The following FAM161B variants were observed in gnomAD, a reference collection of about 807,000 sequenced individuals.
FAM161B encodes FAM161 centrosomal protein B.
In FAM161B, 46 loss-of-function variants were observed where a neutral mutation model predicts 61.5. The ratio of observed to expected loss-of-function variants is 0.75; its 90% CI spans 0.59 to 0.96. FAM161B has a LOEUF of 0.96. Ranked by LOEUF, FAM161B falls within the 40% of genes least tolerant of loss-of-function variation. FAM161B has a pLI of 0.00. For synonymous variants in FAM161B, 284 were observed against 302.7 expected (o/e 0.94, Z 0.64); for missense variants, 774 against 800.7 (o/e 0.97, Z 0.40).
chr14:73,949,950 G>C (rs751881918), intron 1 of FAM161B, 23 bp downstream of exon 1: 3 of 1,612,740 alleles, frequency 1.9e-6, no homozygotes, highest in Non-Finnish European at 2.5e-6. Flanking sequence ...CTTTCCCGGG[G>C]GCAGTCTCTT....
intron 3 of FAM161B, 108 bp from the exon 4 acceptor site, chr14:73,942,823 G>A (rs2056031619): frequency 3.0e-6 from 3 of 1,003,812 alleles, no homozygotes; most frequent in Non-Finnish European, 4.3e-6. Context: ...CTGGAGGCAA[G>A]TAGGAACTTT....
chr14:73,940,901 G>A (rs79402303), intron 5 of FAM161B, 25 bp downstream of exon 5: 33,925 of 1,591,140 alleles, frequency 0.021, 417 homozygotes, highest in African/African-American at 0.029. Flanking sequence ...TCAGAGCATG[G>A]GTCTCGTGCA....
At chr14:73,931,888 T>G, downstream of FAM161B, 1 of 451,292 alleles carries the variant, frequency 2.2e-6, no homozygotes, top group Non-Finnish European at 4.5e-6. Context: ...TTGAAGAGTT[T>G]TCATCCCAGA....
Position 73,944,639 on chromosome 14 carries a change from C to T in FAM161B, c.621G>A (p.Glu207=). The change falls in exon 3 of 9, where the codon GAG becomes GAA. Residue 207 remains glutamate (E), a synonymous_variant. Coordinates refer to ENST00000286544, the MANE Select transcript of FAM161B (RefSeq NM_152445.3). ...ACTGCCTGTGGCACTCGGCCTCTTC[C>T]TCACCCTGCCTCTGGGCCCGCTGCC... ...QERQRAQRQG[E]EEAECHRQFR... 6.2e-7 allele frequency: 1 copy of T among 1,613,916 alleles called. No individual in the cohort carries two copies. Among genetic ancestry groups the T allele is most frequent in the Non-Finnish European group, 8.5e-7 (1 of 1,179,960 alleles).
At chr14:73,940,529 A>T (rs2056008582) in intron 5 of FAM161B, among the ~76,000 whole-genome samples, 1 of 152,050 alleles carries the variant, frequency 6.6e-6, no homozygotes. Flanking sequence ...CACTTTAGAC[A>T]TCTATTCCAC....
intron 7 of FAM161B, among the ~76,000 whole-genome samples, chr14:73,937,132 T>TAAG (rs1024351309): frequency 6.6e-6 from 1 of 152,198 alleles, no homozygotes; most frequent in African/African-American, 2.4e-5. Context: ...GAAAGCCACT[T>TAAG]AGTCTAGAGA....
Position 73,937,935 on chromosome 14 carries a change from A to G in FAM161B, c.1565+13T>C, listed in dbSNP as rs1449729879. On this transcript the variant is annotated intron_variant, in intron 6 of 8. Transcript: ENST00000286544. The stretch of plus-strand genomic sequence containing the variant: ...AAGGCAAGCACCCCTTTTGACACAT[A>G]GAGGACACTGACCGGTTCTCTTTCA... 1.9e-6 allele frequency: 3 copies of G among 1,614,100 alleles called. No homozygotes were observed. The highest frequency in any genetic ancestry group is 1.3e-5 in the African/African-American group (1 of 75,042).
chr14:73,923,270 AGAAATAGAGGAATGTGG>A, the FAM161B span: 7 of 1,121,084 alleles, frequency 6.2e-6, no homozygotes, highest in South Asian at 1.0e-4. Context: ...TTAACTTGGA[AGAAATAGAGGAATGTGG>A]GAAATAGAGG....
At chr14:73,946,846 G>C (rs567709341) in intron 1 of FAM161B, among the ~76,000 whole-genome samples, 1 of 152,222 alleles carries the variant, frequency 6.6e-6, no homozygotes, top group East Asian at 1.9e-4. Context: ...CTTGGTTGAA[G>C]GGATGGAGAG....
intron 5 of FAM161B, among the ~76,000 whole-genome samples, chr14:73,938,662 C>T (rs2055992323): frequency 6.6e-6 from 1 of 151,800 alleles, no homozygotes; most frequent in African/African-American, 2.4e-5. Context: ...GTCCCAGCTA[C>T]TCGGGAGGCT....
Position 73,944,675 on chromosome 14 carries a change from A to C in FAM161B, c.585T>G (p.Phe195Leu). 6.2e-7 allele frequency: 1 copy of C among 1,611,666 alleles called. No individual in the cohort carries two copies. The highest frequency in any genetic ancestry group is 8.5e-7 in the Non-Finnish European group (1 of 1,178,238). The change falls in exon 3 of 9, where the codon TTT becomes TTG. Residue 195 changes from phenylalanine (F) to leucine (L), a missense_variant. By Grantham distance (22) the Phe-to-Leu change is conservative. Coordinates refer to ENST00000286544, the MANE Select transcript of FAM161B (RefSeq NM_152445.3). ...KAEWLGSPAS[F>L]EQERQRAQRQ... is the part of the protein sequence containing the mutation. Reference sequence around the variant, plus strand: ...TCTGGGCCCGCTGCCTCTCCTGCTCAAAGGAGGCAGGTGAGCCCAGCCACT... The same window carrying C: ...TCTGGGCCCGCTGCCTCTCCTGCTCCAAGGAGGCAGGTGAGCCCAGCCACT...
chr14:73,950,065 AGTGGCAGCAGCG>A lies in FAM161B; in HGVS notation c.-51_-40del, dbSNP rs376650648. The A allele has an allele frequency of 5.0e-4, 798 of 1,608,978 alleles. 2 individuals are homozygous for A. The highest frequency in any genetic ancestry group is 4.2e-3 in the African/African-American group (317 of 75,050). On this transcript the variant is annotated 5_prime_UTR_variant, in exon 1 of 9. Transcript: ENST00000286544. ...AGGCAGCAGCGACAGTGACAGCGAT[AGTGGCAGCAGCG>A]GTGGCAGCGAGAGCTATGCGGGGCC...
chr14:73,948,812 CT>C (rs1288768243), intron 1 of FAM161B, among the ~76,000 whole-genome samples: 1 of 152,206 alleles, frequency 6.6e-6, no homozygotes, highest in Non-Finnish European at 1.5e-5. Flanking sequence ...TACTTTTTGC[CT>C]TTAATAGTTT....
downstream of FAM161B, among the ~76,000 whole-genome samples, chr14:73,930,335 G>T (rs956786447): frequency 4.6e-5 from 7 of 151,998 alleles, no homozygotes; most frequent in African/African-American, 1.7e-4. Context: ...TTAAAAAAAA[G>T]TTTTTTTGGT....
intron 5 of FAM161B, among the ~76,000 whole-genome samples, chr14:73,939,086 C>T (rs2055995907): frequency 6.6e-6 from 1 of 152,058 alleles, no homozygotes; most frequent in Non-Finnish European, 1.5e-5. Flanking sequence ...ATCACAAGGT[C>T]AGGAGTTCGA....
At chr14:73,923,530 G>A in the FAM161B span, 3 of 1,610,212 alleles carry the variant, frequency 1.9e-6, no homozygotes, top group Admixed American at 3.4e-5. Flanking sequence ...GAGGTAAAGT[G>A]GTCTCTTGCC....
chr14:73,937,895 G>A (rs918171664), intron 6 of FAM161B, 53 bp downstream of exon 6: 9 of 1,608,120 alleles, frequency 5.6e-6, no homozygotes, highest in Admixed American at 1.7e-5. Flanking sequence ...ATAGGCCAGT[G>A]GTCTGTTGGA....
At chr14:73,931,144 T>G (rs1167478393), downstream of FAM161B, among the ~76,000 whole-genome samples, 1 of 152,186 alleles carries the variant, frequency 6.6e-6, no homozygotes, top group African/African-American at 2.4e-5. Context: ...GCCTTCAGCC[T>G]ATCCTTTGGC....
At chr14:73,927,311 T>C, downstream of FAM161B, 2 of 157,154 alleles carry the variant, frequency 1.3e-5, no homozygotes, top group South Asian at 1.5e-4. Flanking sequence ...ACTCCTGACC[T>C]CAGGTGATCC....
Sources: allele counts gnomAD v4.1 joint callset (sites outside exome capture counted in the v4.1 genomes callset), GRCh38; gene constraint gnomAD v4.1.1; transcripts MANE v1.5; gene names NCBI Gene and HGNC (gene_info 2026-07-23, HGNC 2026-07-21).